Variants in CPSF4L observed in about 807,000 individuals in gnomAD.
CPSF4L encodes the protein cleavage and polyadenylation specific factor 4 like, also known as putative cleavage and polyadenylation specificity factor subunit 4-like protein.
Under a neutral mutation model 24.0 loss-of-function variants are expected in CPSF4L, and 18 were observed. The observed-to-expected ratio is 0.75, with a 90% CI of 0.52 to 1.11. CPSF4L has a LOEUF of 1.11. CPSF4L is among the 50% of genes least tolerant of loss of function. The probability of loss-of-function intolerance (pLI) is 0.00; values close to 1 mark genes in which losing one functional copy is unlikely to be tolerated. For missense variants in CPSF4L, 211 were observed against 221.8 expected, an observed-to-expected ratio of 0.95 and a Z score of 0.31; for synonymous variants, 72 against 77.2, an observed-to-expected ratio of 0.93 and a Z score of 0.35.
chr17:73,258,108 C>T (rs571918463), intron 2 of CPSF4L, among the ~76,000 whole-genome samples: 2 of 151,804 alleles, frequency 1.3e-5, no homozygotes, highest in African/African-American at 4.8e-5. Flanking sequence ...CTCCTGGGTT[C>T]ACGCCATTCT....
At chr17:73,258,038 C>A (rs756821268) in intron 2 of CPSF4L, among the ~76,000 whole-genome samples, 1 of 149,894 alleles carries the variant, frequency 6.7e-6, no homozygotes, top group Non-Finnish European at 1.5e-5. Flanking sequence ...GAGACAGAAT[C>A]TCGCTCTGTC....
At chr17:73,256,333 G>A (rs1416559773) in intron 3 of CPSF4L, among the ~76,000 whole-genome samples, 4 of 152,234 alleles carry the variant, frequency 2.6e-5, no homozygotes, top group African/African-American at 9.6e-5. Context: ...TTGCCTCCCA[G>A]GAGCAGGCAG....
At chr17:73,261,016 T>G in intron 1 of CPSF4L, 33 bp from the exon 2 acceptor site, 1 of 1,534,766 alleles carries the variant, frequency 6.5e-7, no homozygotes, top group Non-Finnish European at 8.8e-7. Flanking sequence ...AGAAGGTAGC[T>G]TCCCCAGAGG....
At chr17:73,242,205 T>A in the CPSF4L span, 5 of 1,400,162 alleles carry the variant, frequency 3.6e-6, no homozygotes, top group South Asian at 6.1e-5. Flanking sequence ...GGGGTACGTT[T>A]CGGTAAACAA....
At chr17:73,243,508 A>G (rs562710877), downstream of CPSF4L, among the ~76,000 whole-genome samples, 3 of 150,430 alleles carry the variant, frequency 2.0e-5, no homozygotes, top group Admixed American at 6.6e-5. Context: ...AGATTTGACT[A>G]GAATTTACAT....
chr17:73,258,040 C>T (rs1267670559), intron 2 of CPSF4L, among the ~76,000 whole-genome samples: 4 of 150,744 alleles, frequency 2.7e-5, no homozygotes, highest in African/African-American at 9.8e-5. Context: ...GACAGAATCT[C>T]GCTCTGTCGC....
downstream of CPSF4L, chr17:73,248,443 G>A (rs754000180): frequency 7.3e-6 from 11 of 1,503,794 alleles, no homozygotes; most frequent in Non-Finnish European, 9.1e-6. Context: ...TAAAAGTCGT[G>A]TTCTGCCCTG....
At chr17:73,247,348 C>A (rs570880682), downstream of CPSF4L, 3 of 1,614,006 alleles carry the variant, frequency 1.9e-6, no homozygotes, top group Admixed American at 1.7e-5. Flanking sequence ...TTAGGAAGCA[C>A]GTTTAAGTAG....
At chr17:73,242,446 GA>G in the CPSF4L span, 9 of 770,172 alleles carry the variant, frequency 1.2e-5, no homozygotes, top group South Asian at 2.1e-5. Flanking sequence ...AAGAGGAGAG[GA>G]AAAAAATGTT....
intron 3 of CPSF4L, among the ~76,000 whole-genome samples, chr17:73,256,690 G>A (rs889372163): frequency 6.6e-6 from 1 of 152,136 alleles, no homozygotes; most frequent in South Asian, 2.1e-4. Flanking sequence ...TTAAGTAAGC[G>A]GGAAAGTGGC....
At chr17:73,251,762 A>C (rs2062006793) in intron 5 of CPSF4L, among the ~76,000 whole-genome samples, 1 of 152,222 alleles carries the variant, frequency 6.6e-6, no homozygotes, top group African/African-American at 2.4e-5. Context: ...CTTGGCCCAC[A>C]GGCTGTAGTT....
downstream of CPSF4L, among the ~76,000 whole-genome samples, chr17:73,246,163 G>A (rs2061947856): frequency 6.6e-6 from 1 of 152,160 alleles, no homozygotes; most frequent in Non-Finnish European, 1.5e-5. Context: ...GCACACACCC[G>A]TCTGTCTCAG....
At chr17:73,253,886 C>T (rs374105252) in intron 4 of CPSF4L, 45 bp downstream of exon 4, 2 of 1,389,086 alleles carry the variant, frequency 1.4e-6, no homozygotes, top group Admixed American at 2.0e-5. Context: ...AGCTCCCACC[C>T]TGATCCCCAC....
rs1397129162 is a variant in CPSF4L, at chr17:73,253,919, C to G, written c.403+12G>C. The G allele has an allele frequency of 1.3e-6, 2 of 1,543,198 alleles. No homozygotes were observed. The highest frequency in any genetic ancestry group is 1.2e-5 in the South Asian group (1 of 83,838). On this transcript the variant is annotated intron_variant, in intron 4 of 5. Transcript: ENST00000344935. ...CACAGCCCCTAGGGCTCCCTGGCTT[C>G]CAAGGCCTCACCGTCCTTGCAGAAA...
chr17:73,257,577 A>G (rs1271126156), intron 3 of CPSF4L, 104 bp downstream of exon 3: 4 of 1,201,628 alleles, frequency 3.3e-6, no homozygotes, highest in Non-Finnish European at 4.7e-6. Context: ...CTCCAGGGAC[A>G]TGTCCAGCCT....
chr17:73,242,388 G>A, the CPSF4L span: 1 of 1,370,038 alleles, frequency 7.3e-7, no homozygotes, highest in Non-Finnish European at 1.0e-6. Flanking sequence ...TCTGTTGCAG[G>A]TTCTGGGCAT....
At position 73,257,846 on chromosome 17, in the gene CPSF4L, G is replaced by A. The variant is rs1420875651; in HGVS notation, c.155-13C>T. 3.2e-6 allele frequency: 5 copies of A among 1,550,940 alleles called. No homozygotes were observed. In the Admixed American group the frequency reaches 9.8e-5, roughly 30 times the overall value. ...GGGCAGAGTTTCCCTGGAGATGCCA[G>A]AGCACCTGGCTGGGAGGCCCCTCAT... is the stretch of plus-strand genomic sequence containing the variant. On this transcript the variant is annotated splice_polypyrimidine_tract_variant and intron_variant, in intron 2 of 5. Transcript: ENST00000344935.
downstream of CPSF4L, chr17:73,245,629 C>A: frequency 1.0e-6 from 1 of 985,296 alleles, no homozygotes; most frequent in Non-Finnish European, 1.2e-6. Flanking sequence ...AAAATAAGCC[C>A]ACATCAGGCC....
intron 5 of CPSF4L, chr17:73,251,113 G>C (rs1385517211): frequency 1.3e-6 from 2 of 1,536,336 alleles, no homozygotes; most frequent in Non-Finnish European, 1.8e-6. Context: ...TACAGCTGAA[G>C]TGCAGTCGTG....
Sources: gnomAD v4.1 joint callset for allele counts (sites outside exome capture counted in the v4.1 genomes callset) on GRCh38, gnomAD v4.1.1 for gene constraint, MANE v1.5 for transcripts, NCBI Gene and HGNC (gene_info 2026-07-23, HGNC 2026-07-21) for gene names.